The following TRAPPC9 variants were observed in gnomAD, a reference collection of about 807,000 sequenced individuals.
The protein encoded by TRAPPC9 is IKK2 binding protein.
TRAPPC9 carries 83 observed loss-of-function variants against 124.0 expected under a neutral mutation model. The observed-to-expected ratio is 0.67, with a 90% CI of 0.56 to 0.80. The LOEUF (loss-of-function observed/expected upper bound fraction) is 0.80, where lower values mean the gene tolerates loss of function less well. TRAPPC9 is among the 30% of genes least tolerant of loss of function. The pLI, the probability that TRAPPC9 is intolerant of heterozygous loss-of-function variation, is 0.00. For synonymous variants in TRAPPC9, 638 were observed against 617.5 expected (o/e 1.03, Z -0.49); for missense variants, 1,302 against 1,508.3 (o/e 0.86, Z 2.27).
intron 10 of TRAPPC9, among the ~76,000 whole-genome samples, chr8:140,307,871 G>A (rs543813238): frequency 1.3e-5 from 2 of 152,278 alleles, no homozygotes; most frequent in East Asian, 1.9e-4. Context: ...TAATCTTGAG[G>A]TAAAGACAGA....
At chr8:140,070,500 TTTTC>T (rs1457424629) in intron 17 of TRAPPC9, among the ~76,000 whole-genome samples, 3 of 152,208 alleles carry the variant, frequency 2.0e-5, no homozygotes, top group African/African-American at 7.2e-5. Context: ...GCTATGTGAT[TTTTC>T]TTTCAATAAT....
chr8:140,262,206 TAAG>T (rs2064442032), intron 15 of TRAPPC9, among the ~76,000 whole-genome samples: 1 of 128,142 alleles, frequency 7.8e-6, no homozygotes, highest in Non-Finnish European at 1.6e-5. Flanking sequence ...AGTTCTATTT[TAAG>T]AAGTGCACTT....
chr8:140,034,059 G>A (rs761773864), intron 17 of TRAPPC9, among the ~76,000 whole-genome samples: 1 of 152,036 alleles, frequency 6.6e-6, no homozygotes, highest in Non-Finnish European at 1.5e-5. Context: ...TGGTAATAGT[G>A]TTTCTCTTTT....
chr8:140,148,116 C>T (rs2061489624), intron 17 of TRAPPC9, among the ~76,000 whole-genome samples: 1 of 152,210 alleles, frequency 6.6e-6, no homozygotes, highest in African/African-American at 2.4e-5. Context: ...ACGGGAAGCC[C>T]CCACCGAGTA....
chr8:139,845,281 G>A (rs1827001210), intron 21 of TRAPPC9, among the ~76,000 whole-genome samples: 1 of 152,218 alleles, frequency 6.6e-6, no homozygotes, highest in South Asian at 2.1e-4. Flanking sequence ...ATGGGGTACA[G>A]TGGTGGCCCA....
intron 19 of TRAPPC9, among the ~76,000 whole-genome samples, chr8:139,966,038 A>T (rs1385968216): frequency 6.6e-6 from 1 of 152,226 alleles, no homozygotes; most frequent in Non-Finnish European, 1.5e-5. Context: ...AGTAACTACG[A>T]CTACTACTTT....
intron 15 of TRAPPC9, among the ~76,000 whole-genome samples, chr8:140,270,425 A>C (rs907928446): frequency 2.6e-5 from 4 of 152,214 alleles, no homozygotes; most frequent in African/African-American, 9.6e-5. Context: ...CCATGCCACC[A>C]AATGTCTTTC....
intron 21 of TRAPPC9, among the ~76,000 whole-genome samples, chr8:139,741,614 G>A (rs764310276): frequency 2.0e-5 from 3 of 152,052 alleles, no homozygotes; most frequent in Non-Finnish European, 2.9e-5. Flanking sequence ...GCCCGTTTTC[G>A]AACATCTCCA....
At chr8:139,977,437 T>C (rs1836552532) in intron 19 of TRAPPC9, among the ~76,000 whole-genome samples, 2 of 151,460 alleles carry the variant, frequency 1.3e-5, no homozygotes, top group African/African-American at 4.8e-5. Flanking sequence ...GCTAACATGG[T>C]GAAACCCCGT....
At chr8:140,158,980 G>A (rs78937921) in intron 17 of TRAPPC9, among the ~76,000 whole-genome samples, 5,684 of 152,322 alleles carry the variant, frequency 0.037, 353 homozygotes, top group African/African-American at 0.13. Flanking sequence ...GAACACCTAT[G>A]AACATCCAGA....
At chr8:139,780,316 A>G (rs1040156053) in intron 21 of TRAPPC9, among the ~76,000 whole-genome samples, 40 of 152,210 alleles carry the variant, frequency 2.6e-4, no homozygotes, top group African/African-American at 9.6e-4. Flanking sequence ...AAATAGATCA[A>G]TGGACCAGAA....
rs538337994 is a variant in TRAPPC9, at chr8:139,886,309, T to C, written c.2965-340A>G. ...AAGGTTATTTTTCCTTAATAAAATA[T>C]GCAAACTGGTTCACTGTTCAATACA... On this transcript the variant is annotated intron_variant, in intron 20 of 22. Coordinates refer to ENST00000438773, the MANE Select transcript of TRAPPC9 (RefSeq NM_001160372.4). 2.1e-4 allele frequency among the ~76,000 whole-genome samples: 32 copies of C among 152,382 alleles called. 1 individual carries two copies. The highest frequency in any genetic ancestry group is 5.8e-4 in the East Asian group (3 of 5,192).
rs139278969 is a variant in TRAPPC9, at chr8:140,338,242, G to A, written c.1495+21808C>T. 5.5e-3 allele frequency among the ~76,000 whole-genome samples: 832 copies of A among 152,278 alleles called. 2 individuals carry two copies. Among genetic ancestry groups the A allele is most frequent in the Middle Eastern group, 0.014 (4 of 294 alleles). ...ACTGTATTCTGTCCCCACGCCATAC[G>A]TATAAGCAAAGCCCACAAATATGGA... is the stretch of plus-strand genomic sequence containing the variant. On this transcript the variant is annotated intron_variant, in intron 9 of 22. Transcript: ENST00000438773.
chr8:140,024,401 C>CTT (rs35795692), intron 17 of TRAPPC9, among the ~76,000 whole-genome samples: 2 of 144,846 alleles, frequency 1.4e-5, no homozygotes, highest in African/African-American at 5.1e-5. Flanking sequence ...AATATGGTTT[C>CTT]TTTTTTTTTT....
At chr8:140,424,387 T>G (rs1167233858) in intron 5 of TRAPPC9, among the ~76,000 whole-genome samples, 2 of 151,110 alleles carry the variant, frequency 1.3e-5, no homozygotes, top group Non-Finnish European at 2.9e-5. Context: ...GGCTCATGTT[T>G]GTAATCACTT....
chr8:140,047,585 C>T (rs1563720419), intron 17 of TRAPPC9, among the ~76,000 whole-genome samples: 1 of 152,106 alleles, frequency 6.6e-6, no homozygotes, highest in Non-Finnish European at 1.5e-5. Context: ...CTGGGCCCAG[C>T]GGCCGCTGCT....
chr8:139,757,509 G>A (rs1819929360), intron 21 of TRAPPC9, among the ~76,000 whole-genome samples: 1 of 151,932 alleles, frequency 6.6e-6, no homozygotes. Context: ...GCAGATCACA[G>A]GAGGAGCCAG....
At chr8:140,424,248 A>G (rs568977835) in intron 5 of TRAPPC9, among the ~76,000 whole-genome samples, 2 of 152,274 alleles carry the variant, frequency 1.3e-5, no homozygotes, top group South Asian at 4.1e-4. Flanking sequence ...TCTCCTCCAC[A>G]TGAAAACGGA....
intron 11 of TRAPPC9, among the ~76,000 whole-genome samples, chr8:140,298,118 T>C (rs2065864867): frequency 6.6e-6 from 1 of 152,242 alleles, no homozygotes; most frequent in African/African-American, 2.4e-5. Context: ...TAACATATGA[T>C]AGCCTCTTAT....
Sources: gnomAD v4.1 joint callset for allele counts (sites outside exome capture counted in the v4.1 genomes callset) on GRCh38, gnomAD v4.1.1 for gene constraint, MANE v1.5 for transcripts, NCBI Gene and HGNC (gene_info 2026-07-23, HGNC 2026-07-21) for gene names.